The following PEX6 variants were observed in gnomAD, a reference collection of about 807,000 sequenced individuals.
The protein encoded by PEX6 is peroxisome biogenesis factor 6.
A neutral mutation model predicts 85.6 loss-of-function variants in PEX6; 55 were observed. That is an observed-to-expected ratio of 0.64 (90% CI 0.52 to 0.80). The LOEUF (loss-of-function observed/expected upper bound fraction) is 0.80, where lower values mean the gene tolerates loss of function less well. Among genes scored for constraint, PEX6 ranks in the 30% least tolerant of loss-of-function variants. The pLI, the probability that PEX6 is intolerant of heterozygous loss-of-function variation, is 0.00. For synonymous variants in PEX6, 519 were observed against 549.1 expected, an observed-to-expected ratio of 0.95 and a Z score of 0.77; for missense variants, 1,099 against 1,260.3, an observed-to-expected ratio of 0.87 and a Z score of 1.94.
chr6:42,974,357 T>A (rs932024687), intron 2 of PEX6, among the ~76,000 whole-genome samples: 3 of 151,848 alleles, frequency 2.0e-5, no homozygotes, highest in Non-Finnish European at 4.4e-5. Flanking sequence ...CTGTTTGGAA[T>A]GTCCAAATTA....
chr6:42,974,570 G>C (rs561400348), intron 2 of PEX6, among the ~76,000 whole-genome samples: 1 of 143,386 alleles, frequency 7.0e-6, no homozygotes, highest in Non-Finnish European at 1.5e-5. Context: ...CCATTCTCCT[G>C]CCTCAGCCTC....
chr6:42,968,959 C>A lies in PEX6; in HGVS notation c.1394G>T (p.Ser465Ile). The change falls in exon 6 of 17, where the codon AGT becomes ATT. Residue 465 changes from serine to isoleucine, a missense_variant. Ser to Ile is a moderately radical substitution (Grantham distance 142, BLOSUM62 -2). Transcript: ENST00000304611. The stretch of plus-strand genomic sequence containing the variant: ...GCCTGGGGGGCCCCGTAGAAGGACA[C>A]TGCTAGTTCCTGTCAGCAGGGCACC... Reference protein sequence around the residue: ...PGGALLTGTSSVLLRGPPGCG... With the variant: ...PGGALLTGTSIVLLRGPPGCG... 6.2e-6 allele frequency: 10 copies of A among 1,613,778 alleles called. No individual in the cohort carries two copies. Among genetic ancestry groups the A allele is most frequent in the Non-Finnish European group, 8.5e-6 (10 of 1,179,760 alleles).
chr6:42,977,843 T>TTTG (rs1491397162), intron 1 of PEX6, among the ~76,000 whole-genome samples: 227 of 62,834 alleles, frequency 3.6e-3, no homozygotes, highest in African/African-American at 0.028. Context: ...AACATTATGC[T>TTTG]TTTTTTTTTT....
rs1191550837 is a variant in PEX6, at chr6:42,971,454, A to G, written c.1131-1467T>C. Among the ~76,000 whole-genome samples the G allele has an allele frequency of 3.3e-5, 5 of 152,220 alleles. No homozygotes were observed. The highest frequency in any genetic ancestry group is 1.2e-4 in the African/African-American group (5 of 41,470). On this transcript the variant is annotated intron_variant, in intron 3 of 16. Transcript: ENST00000304611. The surrounding 1 kb of genome is among the most constrained non-coding windows in gnomAD (Gnocchi z 4.4). ...TAGAAAGGCCAGAGCTCTGGAACCT[A>G]TGTGGACACTGCTAAGGAACACTGA...
intron 3 of PEX6, among the ~76,000 whole-genome samples, chr6:42,970,582 G>A (rs1770027711): frequency 6.6e-6 from 1 of 152,212 alleles, no homozygotes; most frequent in Admixed American, 6.5e-5. Flanking sequence ...AAGCTACAGG[G>A]AATGACTGCT....
chr6:42,965,937 G>T lies in PEX6; in HGVS notation c.2362+107C>A. 7.0e-7 allele frequency: 1 copy of T among 1,421,754 alleles called. No homozygotes were observed. Among genetic ancestry groups the T allele is most frequent in the Non-Finnish European group, 9.9e-7 (1 of 1,008,072 alleles). The allele number at this position is 1,421,754 out of a possible 1,614,324, so 88.1% of individuals were successfully genotyped here. A position where few individuals can be genotyped will look rare whatever the true frequency, so the allele number is the denominator to read the frequency against. On this transcript the variant is annotated intron_variant, in intron 12 of 16. Coordinates refer to ENST00000304611, the MANE Select transcript of PEX6 (RefSeq NM_000287.4). This position sits in a 1 kb window ranked among gnomAD's most constrained non-coding sequence, Gnocchi z 5.0. ...CAGCTGGGCAGGAACCTGACTTGTA[G>T]AAAGGAGGATTAGGAATGATCATGA...
In PEX6 at chr6:42,965,962, A is replaced by C. The variant is rs1350864651; in HGVS notation, c.2362+82T>G. 6.2e-5 allele frequency: 92 copies of C among 1,487,476 alleles called. No homozygotes were observed. Among genetic ancestry groups the C allele is most frequent in the Non-Finnish European group, 8.3e-5 (89 of 1,066,800 alleles). The allele number at this position is 1,487,476 out of a possible 1,614,324, so 92.1% of individuals were successfully genotyped here. On this transcript the variant is annotated intron_variant, in intron 12 of 16. Transcript: ENST00000304611. This position sits in a 1 kb window ranked among gnomAD's most constrained non-coding sequence, Gnocchi z 5.0. ...GAAAGGAGGATTAGGAATGATCATG[A>C]GTAGCCTGGGAGTAGGGGGTGGCTT...
chr6:42,976,863 C>T (rs1770319654), intron 1 of PEX6, among the ~76,000 whole-genome samples: 1 of 151,820 alleles, frequency 6.6e-6, no homozygotes, highest in African/African-American at 2.4e-5. Flanking sequence ...CACCAGGCAC[C>T]AAAGATAATA....
At chr6:42,977,251 C>CT (rs1554128216) in intron 1 of PEX6, among the ~76,000 whole-genome samples, 9,155 of 126,482 alleles carry the variant, frequency 0.072, 489 homozygotes, top group East Asian at 0.17. Flanking sequence ...TGAAACCTCA[C>CT]TTTTTTTTTT....
At position 42,965,144 on chromosome 6, in the gene PEX6, T is replaced by C; in HGVS notation, c.2597A>G (p.Lys866Arg). Reference protein sequence around the residue: ...PALLRPGRFDKLVFVGANEDR... With the variant: ...PALLRPGRFDRLVFVGANEDR... ...CTCATTTGCCCCCACAAACACCAGC[T>C]TGTCAAATCTTTAGGGAGATAGGCA... Residue 866 changes from lysine (K) to arginine (R), a missense_variant, in exon 15 of 17, where the codon AAG (lysine) becomes AGG (arginine). Around this residue, in one of 3 missense-constraint regions of PEX6, gnomAD observed 514 missense variants for 627.0 expected, o/e 0.82. Coordinates refer to ENST00000304611, the MANE Select transcript of PEX6 (RefSeq NM_000287.4). This position sits in a 1 kb window ranked among gnomAD's most constrained non-coding sequence, Gnocchi z 5.0. 1 of 1,614,172 alleles carries C rather than the reference T, an allele frequency of 6.2e-7. No homozygotes were observed.
Position 42,964,746 on chromosome 6 carries a change from C to G in PEX6, c.2806+44G>C, listed in dbSNP as rs1469455998. 6.2e-7 allele frequency: 1 copy of G among 1,613,350 alleles called. No homozygotes were observed. The highest frequency in any genetic ancestry group is 8.5e-7 in the Non-Finnish European group (1 of 1,179,726). On this transcript the variant is annotated intron_variant, in intron 16 of 16. Transcript: ENST00000304611. This position sits in a 1 kb window ranked among gnomAD's most constrained non-coding sequence, Gnocchi z 4.6. ...CTGGGACTCAGGTGCACCCAGCTCC[C>G]CACTAGCTTTTTGGTTGACCTCTCA...
chr6:42,964,669 G>T lies in PEX6; in HGVS notation c.2806+121C>A. ...GGGGTCTCTCTGTGTTGCCCAGGCTGGCCTCAAACTCCTGGGCTCAAGCGA... is the reference window on the plus strand; with the variant it reads ...GGGGTCTCTCTGTGTTGCCCAGGCTTGCCTCAAACTCCTGGGCTCAAGCGA... On this transcript the variant is annotated intron_variant, in intron 16 of 16. Transcript: ENST00000304611. This position sits in a 1 kb window ranked among gnomAD's most constrained non-coding sequence, Gnocchi z 4.6. 7.2e-7 allele frequency: 1 copy of T among 1,390,594 alleles called. No individual in the cohort carries two copies. The highest frequency in any genetic ancestry group is 1.0e-6 in the Non-Finnish European group (1 of 982,350). 86.1% of individuals were successfully genotyped at this position (1,390,594 alleles called of 1,614,324 possible). A position where few individuals can be genotyped will look rare whatever the true frequency, so the allele number is the denominator to read the frequency against.
In PEX6 at chr6:42,965,801, G is replaced by C. The variant is rs762548205; in HGVS notation, c.2363-12C>G. 3.7e-6 allele frequency: 6 copies of C among 1,608,632 alleles called. No individual in the cohort carries two copies. The Admixed American group carries it at 5.0e-5, about 13-fold the overall frequency. ...GGCCCTGGCAAACACTGAAGAGAGA[G>C]AGGGGCCCACAGGAGGGCAAAGCTC... On this transcript the variant is annotated splice_polypyrimidine_tract_variant and intron_variant, in intron 12 of 16. Coordinates refer to ENST00000304611, the MANE Select transcript of PEX6 (RefSeq NM_000287.4). This position sits in a 1 kb window ranked among gnomAD's most constrained non-coding sequence, Gnocchi z 5.0.
At chr6:42,977,880 ATCGCCCAGG>A (rs922759766) in intron 1 of PEX6, among the ~76,000 whole-genome samples, 2 of 125,670 alleles carry the variant, frequency 1.6e-5, no homozygotes, top group African/African-American at 3.0e-5. Context: ...TTTCACTCTT[ATCGCCCAGG>A]CTGGAGTCCA....
intron 3 of PEX6, 56 bp downstream of exon 3, chr6:42,973,947 G>C: frequency 1.7e-6 from 2 of 1,167,892 alleles, no homozygotes; most frequent in Admixed American, 3.4e-5. Context: ...GGGGATTGTA[G>C]AACTCATGCA....
intron 2 of PEX6, among the ~76,000 whole-genome samples, chr6:42,974,459 T>TTG (rs1561827421): frequency 3.5e-4 from 40 of 112,990 alleles, no homozygotes; most frequent in Middle Eastern, 4.0e-3. Context: ...TTGTTTTTTT[T>TTG]TTTTTTTTTT....
Position 42,965,955 on chromosome 6 carries a change from G to T in PEX6, c.2362+89C>A. The stretch of plus-strand genomic sequence containing the variant: ...ACTTGTAGAAAGGAGGATTAGGAAT[G>T]ATCATGAGTAGCCTGGGAGTAGGGG... On this transcript the variant is annotated intron_variant, in intron 12 of 16. Coordinates refer to ENST00000304611, the MANE Select transcript of PEX6 (RefSeq NM_000287.4). The surrounding 1 kb of genome is among the most constrained non-coding windows in gnomAD (Gnocchi z 5.0). 3 of 1,467,380 alleles carry T rather than the reference G, an allele frequency of 2.0e-6. No homozygotes were observed. Among genetic ancestry groups the T allele is most frequent in the South Asian group, 2.3e-5 (2 of 87,992 alleles). 90.9% of individuals were successfully genotyped at this position (1,467,380 alleles called of 1,614,324 possible). A position where few individuals can be genotyped will look rare whatever the true frequency, so the allele number is the denominator to read the frequency against.
At position 42,966,977 on chromosome 6, in the gene PEX6, T is replaced by TTG. The variant is rs1457075524; in HGVS notation, c.1885-120_1885-119insCA. ...TGCCTTAGGTTTGTTGTTTTTTTTT[T>TTG]TTTTTTTTTTTTGAGACGGAGTTTT... On this transcript the variant is annotated intron_variant, in intron 8 of 16. Coordinates refer to ENST00000304611, the MANE Select transcript of PEX6 (RefSeq NM_000287.4). 1.1e-5 allele frequency: 9 copies of TTG among 786,474 alleles called. No homozygotes were observed. The East Asian group carries it at 2.0e-4, about 18-fold the overall frequency. The allele number at this position is 786,474 out of a possible 1,614,324, so 48.7% of individuals were successfully genotyped here.
rs779822002 is a variant in PEX6, at chr6:42,978,516, A to T, written c.635T>A (p.Leu212His). The T allele has an allele frequency of 3.1e-6, 5 of 1,614,138 alleles. No individual in the cohort carries two copies. The East Asian group carries it at 1.1e-4, about 36-fold the overall frequency. Residue 212 changes from leucine to histidine, a missense_variant, in exon 1 of 17, where the codon CTC (leucine) becomes CAC (histidine). Leu to His is a moderately conservative substitution (Grantham distance 99, BLOSUM62 -3). Around this residue, in one of 3 missense-constraint regions of PEX6, gnomAD observed 579 missense variants for 611.6 expected, o/e 0.95. Transcript: ENST00000304611. ...GCCCTGGAAGAGGCCAAGGCCACGGAGACAGCTCCGGCTCACCCCTAGTGA... is the reference window on the plus strand; with the variant it reads ...GCCCTGGAAGAGGCCAAGGCCACGGTGACAGCTCCGGCTCACCCCTAGTGA... ...GDSLGVSRSC[L>H]RGLGLFQGEW...
Sources: gnomAD v4.1 joint callset for allele counts (sites outside exome capture counted in the v4.1 genomes callset) on GRCh38, gnomAD v4.1.1 for gene constraint, gnomAD v4.1.1 regional missense constraint, Gnocchi (gnomAD v3.1) non-coding constraint, MANE v1.5 for transcripts, NCBI Gene and HGNC (gene_info 2026-07-23, HGNC 2026-07-21) for gene names.